Variants in PCCA observed in about 807,000 individuals in gnomAD.
PCCA encodes propionyl-CoA carboxylase alpha chain, mitochondrial.
In PCCA, 74 loss-of-function variants were observed where a neutral mutation model predicts 101.3. That is an observed-to-expected ratio of 0.73 (90% confidence interval 0.61 to 0.89). The LOEUF (loss-of-function observed/expected upper bound fraction) is 0.89. PCCA is among the 40% of genes least tolerant of loss of function. PCCA has a pLI of 0.00. For synonymous variants in PCCA, 294 were observed against 313.6 expected (o/e 0.94, Z 0.66); for missense variants, 891 against 907.0 (o/e 0.98, Z 0.23).
chr13:100,193,645 G>T (rs1056597049), intron 6 of PCCA, among the ~76,000 whole-genome samples: 1 of 152,116 alleles, frequency 6.6e-6, no homozygotes, highest in African/African-American at 2.4e-5. Context: ...ACAAATGTCA[G>T]CTTGGGTCCA....
At chr13:100,160,460 G>A (rs1272854358) in intron 6 of PCCA, among the ~76,000 whole-genome samples, 2 of 150,416 alleles carry the variant, frequency 1.3e-5, no homozygotes, top group East Asian at 1.9e-4. Context: ...CTGAGATCAC[G>A]CTACTGCACT....
At chr13:100,367,353 A>T (rs1344463248) in intron 18 of PCCA, among the ~76,000 whole-genome samples, 1 of 152,030 alleles carries the variant, frequency 6.6e-6, no homozygotes, top group Non-Finnish European at 1.5e-5. Context: ...GATGGGGAAA[A>T]CCAGGGCTAG....
At chr13:100,294,099 T>C (rs1171997902) in intron 12 of PCCA, among the ~76,000 whole-genome samples, 4 of 152,188 alleles carry the variant, frequency 2.6e-5, no homozygotes. Flanking sequence ...CAGTTTCTTT[T>C]GGAGGCCTTT....
intron 16 of PCCA, among the ~76,000 whole-genome samples, chr13:100,321,868 C>G (rs1041824410): frequency 3.3e-5 from 5 of 151,934 alleles, no homozygotes; most frequent in African/African-American, 4.8e-5. Flanking sequence ...TCAGGATTTT[C>G]CATATGGTTG....
chr13:100,191,643 A>G (rs184155158), intron 6 of PCCA, among the ~76,000 whole-genome samples: 202 of 152,332 alleles, frequency 1.3e-3, no homozygotes, highest in African/African-American at 4.5e-3. Flanking sequence ...ATACAAGAAT[A>G]TAATTTAAAA....
intron 19 of PCCA, among the ~76,000 whole-genome samples, chr13:100,403,616 T>C (rs1277202419): frequency 6.6e-6 from 1 of 152,138 alleles, no homozygotes; most frequent in Admixed American, 6.5e-5. Flanking sequence ...GTTGCAGGAC[T>C]TTTTCTTGGT....
intron 19 of PCCA, among the ~76,000 whole-genome samples, chr13:100,403,610 C>T (rs1295571182): frequency 6.6e-6 from 1 of 152,100 alleles, no homozygotes; most frequent in South Asian, 2.1e-4. Flanking sequence ...CCCATTGTTG[C>T]AGGACTTTTT....
At chr13:100,433,734 A>C (rs1379046395) in intron 20 of PCCA, among the ~76,000 whole-genome samples, 1 of 152,160 alleles carries the variant, frequency 6.6e-6, no homozygotes, top group Non-Finnish European at 1.5e-5. Flanking sequence ...TGCAGAGGAG[A>C]ATGTTGCTTT....
intron 6 of PCCA, among the ~76,000 whole-genome samples, chr13:100,182,709 C>T (rs2056911248): frequency 6.6e-6 from 1 of 152,112 alleles, no homozygotes; most frequent in Non-Finnish European, 1.5e-5. Context: ...CCTGTTGGAA[C>T]ATGCTGACTT....
At chr13:100,185,794 T>C (rs995720306) in intron 6 of PCCA, among the ~76,000 whole-genome samples, 2 of 152,056 alleles carry the variant, frequency 1.3e-5, no homozygotes, top group Non-Finnish European at 2.9e-5. Flanking sequence ...ATTACAGGCA[T>C]GTGCCACCCC....
At chr13:100,152,691 C>G (rs550829843) in intron 4 of PCCA, among the ~76,000 whole-genome samples, 2 of 152,268 alleles carry the variant, frequency 1.3e-5, no homozygotes, top group South Asian at 2.1e-4. Flanking sequence ...CGTGATCCGC[C>G]CACCTCAGCC....
Position 100,518,027 on chromosome 13 carries a change from C to T in PCCA, c.2040+2460C>T, listed in dbSNP as rs144628845. ...CCGCGGGGCGTGTTGTGTTTTCCTC[C>T]GCACTAACAATAGCCGGGCGAGGTT... On this transcript the variant is annotated intron_variant, in intron 22 of 23. Transcript: ENST00000376285. Among the ~76,000 whole-genome samples the T allele has an allele frequency of 2.9e-3, 435 of 152,160 alleles. 1 individual carries two copies. The highest frequency in any genetic ancestry group is 5.2e-3 in the Non-Finnish European group (351 of 68,018).
At chr13:100,215,487 G>C (rs1394607805) in intron 7 of PCCA, among the ~76,000 whole-genome samples, 2 of 152,028 alleles carry the variant, frequency 1.3e-5, no homozygotes, top group Non-Finnish European at 2.9e-5. Context: ...TTATATACAG[G>C]CATGTCTTCA....
chr13:100,152,548 G>A (rs1445547661), intron 4 of PCCA, among the ~76,000 whole-genome samples: 4 of 152,022 alleles, frequency 2.6e-5, no homozygotes, highest in African/African-American at 4.8e-5. Flanking sequence ...CCGGGTTCAC[G>A]CCATTCTCCT....
At chr13:100,259,893 G>A (rs1300899834) in intron 9 of PCCA, among the ~76,000 whole-genome samples, 1 of 152,096 alleles carries the variant, frequency 6.6e-6, no homozygotes, top group African/African-American at 2.4e-5. Context: ...CTTATTGAAT[G>A]AATGTATAAT....
chr13:100,186,549 C>T (rs1818894482), intron 6 of PCCA, among the ~76,000 whole-genome samples: 1 of 151,848 alleles, frequency 6.6e-6, no homozygotes, highest in South Asian at 2.1e-4. Flanking sequence ...TGAGACCTCC[C>T]TGGGCAAAAT....
chr13:100,176,353 T>C (rs930473039), intron 6 of PCCA, among the ~76,000 whole-genome samples: 2 of 152,226 alleles, frequency 1.3e-5, no homozygotes, highest in African/African-American at 4.8e-5. Flanking sequence ...GCATAGATGG[T>C]GTAGCTTTAG....
At chr13:100,456,005 C>T (rs2081679224) in intron 21 of PCCA, among the ~76,000 whole-genome samples, 1 of 152,130 alleles carries the variant, frequency 6.6e-6, no homozygotes, top group Admixed American at 6.5e-5. Context: ...CGGCCATATG[C>T]AATAGTTTCT....
At chr13:100,128,504 C>T (rs1304302133) in intron 4 of PCCA, among the ~76,000 whole-genome samples, 2 of 152,158 alleles carry the variant, frequency 1.3e-5, no homozygotes, top group African/African-American at 2.4e-5. Context: ...ATCATGGTTC[C>T]CTTCAGTAAT....
Sources: allele counts gnomAD v4.1 joint callset (sites outside exome capture counted in the v4.1 genomes callset), GRCh38; gene constraint gnomAD v4.1.1; transcripts MANE v1.5; gene names NCBI Gene and HGNC (gene_info 2026-07-23, HGNC 2026-07-21).